The following PEPD variants were observed in gnomAD, a reference collection of about 807,000 sequenced individuals.
PEPD encodes peptidase D, also known as xaa-Pro dipeptidase.
A neutral mutation model predicts 60.7 loss-of-function variants in PEPD; 53 were observed. The ratio of observed to expected loss-of-function variants is 0.87; its 90% confidence interval spans 0.70 to 1.10. PEPD has a LOEUF of 1.10. PEPD is among the 50% of genes least tolerant of loss of function. The pLI is 0.00. For missense variants in PEPD, 711 were observed against 711.9 expected, an observed-to-expected ratio of 1.00 and a Z score of 0.01; for synonymous variants, 267 against 284.1, an observed-to-expected ratio of 0.94 and a Z score of 0.60.
At chr19:33,518,248 C>T (rs1568515654) in intron 1 of PEPD, among the ~76,000 whole-genome samples, 1 of 152,180 alleles carries the variant, frequency 6.6e-6, no homozygotes, top group South Asian at 2.1e-4. Context: ...AACCAAGAGA[C>T]AGCTGTGTGG....
At chr19:33,397,009 G>A (rs553676532) in intron 12 of PEPD, among the ~76,000 whole-genome samples, 5 of 152,234 alleles carry the variant, frequency 3.3e-5, no homozygotes, top group Admixed American at 1.3e-4. Flanking sequence ...TGCATGGGGT[G>A]GGCAGCCTGC....
At chr19:33,388,370 C>G (rs1380325403) in intron 13 of PEPD, 1 of 603,022 alleles carries the variant, frequency 1.7e-6, no homozygotes, top group Non-Finnish European at 3.1e-6. Context: ...GCTGCCCAGA[C>G]AGGCCTGTGG....
chr19:33,494,297 T>C (rs2145324227), intron 4 of PEPD, among the ~76,000 whole-genome samples: 1 of 151,678 alleles, frequency 6.6e-6, no homozygotes, highest in South Asian at 2.1e-4. Context: ...AGGGGGAGAG[T>C]GAGGAGAACT....
chr19:33,488,066 C>T (rs754022354), intron 6 of PEPD, among the ~76,000 whole-genome samples: 5 of 152,196 alleles, frequency 3.3e-5, no homozygotes, highest in East Asian at 1.9e-4. Flanking sequence ...AGCTGCCAGA[C>T]GTGGTCCAGG....
chr19:33,438,222 A>G (rs914200513), intron 9 of PEPD, among the ~76,000 whole-genome samples: 1 of 152,126 alleles, frequency 6.6e-6, no homozygotes, highest in African/African-American at 2.4e-5. Flanking sequence ...GAAGAGAGCC[A>G]CCTGCTTGCT....
chr19:33,403,189 A>G (rs1339290709), intron 11 of PEPD, among the ~76,000 whole-genome samples: 1 of 152,184 alleles, frequency 6.6e-6, no homozygotes, highest in East Asian at 1.9e-4. Context: ...GCACCTCGGG[A>G]GGCTGCAGGC....
In PEPD at chr19:33,387,503, A is replaced by G. The variant is rs754670452; in HGVS notation, c.1345-22T>C. ...GGACCTGGGTCAAGCCGACAGACAC[A>G]CATTATCATAGAGCAGCCTCATGTG... On this transcript the variant is annotated intron_variant, in intron 14 of 14. Coordinates refer to ENST00000244137, the MANE Select transcript of PEPD (RefSeq NM_000285.4). The G allele has an allele frequency of 2.5e-6, 4 of 1,612,630 alleles. No individual in the cohort carries two copies. The African/African-American group carries it at 4.0e-5, about 16-fold the overall frequency.
rs148535257 is a variant in PEPD at position 33,444,695 on chromosome 19, C to G, written c.671+18300G>C. Among the ~76,000 whole-genome samples the G allele has an allele frequency of 7.9e-5, 12 of 151,782 alleles. No individual in the cohort carries two copies. The South Asian group carries it at 1.9e-3, about 24-fold the overall frequency. On this transcript the variant is annotated intron_variant, in intron 9 of 14. Coordinates refer to ENST00000244137, the MANE Select transcript of PEPD (RefSeq NM_000285.4). ...ACAGCCACCTCCGTCCACTCACCCC[C>G]CAAAGCCAAGCCCCAGCTGGGCCAG... is the stretch of plus-strand genomic sequence containing the variant.
chr19:33,457,864 G>GAAAAAAAA (rs1568481657), intron 9 of PEPD, among the ~76,000 whole-genome samples: 4 of 62,472 alleles, frequency 6.4e-5, no homozygotes, highest in African/African-American at 3.2e-4. Context: ...CAAACAAAAA[G>GAAAAAAAA]AGAAAAAAAT....
At chr19:33,423,542 G>A (rs1477475707) in intron 9 of PEPD, among the ~76,000 whole-genome samples, 1 of 152,210 alleles carries the variant, frequency 6.6e-6, no homozygotes, top group South Asian at 2.1e-4. Context: ...TGGGAACCTG[G>A]TGGGTAAAAC....
At chr19:33,394,413 G>A (rs899717450) in intron 12 of PEPD, among the ~76,000 whole-genome samples, 23 of 152,244 alleles carry the variant, frequency 1.5e-4, no homozygotes, top group African/African-American at 5.3e-4. Context: ...GGGTCCCCTT[G>A]GCGCCGCTGG....
At chr19:33,500,907 G>A (rs570522545) in intron 4 of PEPD, 31 bp downstream of exon 4, 10 of 1,321,572 alleles carry the variant, frequency 7.6e-6, no homozygotes, top group African/African-American at 7.2e-5. Flanking sequence ...TGGAAGCCCT[G>A]GGCTGCTCAG....
At chr19:33,454,445 T>C (rs1173668835) in intron 9 of PEPD, among the ~76,000 whole-genome samples, 1 of 151,634 alleles carries the variant, frequency 6.6e-6, no homozygotes, top group African/African-American at 2.4e-5. Context: ...CTACTAAAAA[T>C]ACAAAAATTA....
intron 12 of PEPD, among the ~76,000 whole-genome samples, chr19:33,393,300 C>CG (rs1568446730): frequency 6.7e-6 from 1 of 148,528 alleles, no homozygotes; most frequent in Non-Finnish European, 1.5e-5. Context: ...GGGGAGAGCC[C>CG]GGGGTCTGGC....
intron 12 of PEPD, 43 bp downstream of exon 12, chr19:33,401,678 A>G (rs1165019860): frequency 3.8e-6 from 6 of 1,580,068 alleles, no homozygotes; most frequent in African/African-American, 1.4e-5. Context: ...AGCGCCCCCA[A>G]CGCCACGTCA....
intron 6 of PEPD, among the ~76,000 whole-genome samples, chr19:33,487,544 C>T (rs1037139685): frequency 3.3e-5 from 5 of 152,208 alleles, no homozygotes; most frequent in Non-Finnish European, 7.3e-5. Flanking sequence ...GTCAGAGACT[C>T]GGCCAGCAGC....
chr19:33,446,189 C>T (rs1200733587), intron 9 of PEPD, among the ~76,000 whole-genome samples: 1 of 152,150 alleles, frequency 6.6e-6, no homozygotes, highest in East Asian at 1.9e-4. Context: ...GCCACCAGCA[C>T]TATCTCCAGG....
chr19:33,456,726 C>T (rs1019293200), intron 9 of PEPD, among the ~76,000 whole-genome samples: 7 of 152,064 alleles, frequency 4.6e-5, no homozygotes, highest in East Asian at 1.9e-4. Flanking sequence ...CTGGGGGCTC[C>T]GGTCTCAGAG....
intron 4 of PEPD, among the ~76,000 whole-genome samples, chr19:33,498,043 A>G (rs1195414536): frequency 6.6e-6 from 1 of 151,964 alleles, no homozygotes; most frequent in South Asian, 2.1e-4. Context: ...GGCCCAGCAC[A>G]GTCCCTGCCC....
Sources: gnomAD v4.1 joint callset for allele counts (sites outside exome capture counted in the v4.1 genomes callset) on GRCh38, gnomAD v4.1.1 for gene constraint, MANE v1.5 for transcripts, NCBI Gene and HGNC (gene_info 2026-07-23, HGNC 2026-07-21) for gene names.